Variants in FAM149A observed in about 807,000 individuals in gnomAD.
FAM149A encodes the protein family with sequence similarity 149 member A, also known as protein FAM149A.
In FAM149A, 71 loss-of-function variants were observed where a neutral mutation model predicts 78.2. That is an observed-to-expected ratio of 0.91 (90% CI 0.75 to 1.11). The LOEUF (loss-of-function observed/expected upper bound fraction) is 1.11. Among genes scored for constraint, FAM149A ranks in the 50% least tolerant of loss-of-function variants. FAM149A has a pLI of 0.00. For synonymous variants in FAM149A, 446 were observed against 410.5 expected (o/e 1.09, Z -1.04); for missense variants, 1,036 against 971.0 (o/e 1.07, Z -0.89).
chr4:186,154,172 C>G (rs934574599), intron 5 of FAM149A, among the ~76,000 whole-genome samples: 3 of 152,172 alleles, frequency 2.0e-5, no homozygotes, highest in Non-Finnish European at 2.9e-5. Context: ...TTTGATGACT[C>G]TATGCCATTC....
intron 4 of FAM149A, among the ~76,000 whole-genome samples, chr4:186,152,518 C>A (rs1733665707): frequency 6.8e-6 from 1 of 147,436 alleles, no homozygotes; most frequent in South Asian, 2.2e-4. Context: ...GGTATGAAGG[C>A]AAGCTTTTCT....
rs753158650 is a variant in FAM149A at position 186,167,086 on chromosome 4, A to G, written c.2129A>G (p.His710Arg). Residue 710 changes from histidine (H) to arginine (R), a missense_variant, in exon 12 of 14, where the codon CAC becomes CGC. Around this residue, in one of 3 missense-constraint regions of FAM149A, gnomAD observed 716 missense variants for 711.8 expected, o/e 1.01. Coordinates refer to ENST00000389354, the MANE Select transcript of FAM149A (RefSeq NM_001367768.3). Reference sequence around the variant, plus strand: ...CGGTTGTCAAGGCCCAGCACAACCCACACGTTCCGGGTGGGTTCTCTGTTT... The same window carrying G: ...CGGTTGTCAAGGCCCAGCACAACCCGCACGTTCCGGGTGGGTTCTCTGTTT... 1 of 1,613,618 alleles carries G rather than the reference A, an allele frequency of 6.2e-7. No individual in the cohort carries two copies. Among genetic ancestry groups the G allele is most frequent in the Non-Finnish European group, 8.5e-7 (1 of 1,179,580 alleles).
At chr4:186,125,920 G>A (rs1173811510) in intron 1 of FAM149A, 18 of 985,180 alleles carry the variant, frequency 1.8e-5, no homozygotes, top group Admixed American at 6.1e-5. Context: ...CTGCAGACTC[G>A]CACTGGCAAG....
chr4:186,171,250 C>T lies in FAM149A; in HGVS notation c.2219-664C>T, dbSNP rs111777788. 350 of 152,488 alleles carry T rather than the reference C, an allele frequency of 2.3e-3. 5 individuals carry two copies. The Middle Eastern group carries it at 0.027, about 12-fold the overall frequency. The allele number at this position is 152,488 out of a possible 1,614,324, so 9.4% of individuals were successfully genotyped here. On this transcript the variant is annotated intron_variant, in intron 13 of 13. Transcript: ENST00000389354. ...CTTCATGATGGCATCCAACACGGCC[C>T]GGCTCCCAGGGTCAGGCCCAGACGC...
Position 186,144,959 on chromosome 4 carries a change from G to A in FAM149A, c.567-4214G>A. ...GGCGCGGGCGCGGGCGCGGGCGCGGGCGGGTGGGGAGCCCCAGCCCCGGGG... is the reference window on the plus strand; with the variant it reads ...GGCGCGGGCGCGGGCGCGGGCGCGGACGGGTGGGGAGCCCCAGCCCCGGGG... On this transcript the variant is annotated intron_variant, in intron 1 of 13. Coordinates refer to ENST00000389354, the MANE Select transcript of FAM149A (RefSeq NM_001367768.3). The surrounding 1 kb of genome is among the most constrained non-coding windows in gnomAD (Gnocchi z 4.2). The A allele has an allele frequency of 1.1e-6, 1 of 947,374 alleles. No homozygotes were observed. The highest frequency in any genetic ancestry group is 1.2e-6 in the Non-Finnish European group (1 of 812,874). The allele number at this position is 947,374 out of a possible 1,614,324, so 58.7% of individuals were successfully genotyped here.
At chr4:186,130,293 C>CTCTCTCTATATA in intron 1 of FAM149A, 121 of 46,564 alleles carry the variant, frequency 2.6e-3, no homozygotes, top group African/African-American at 5.1e-3. Context: ...CTCTCTCTCT[C>CTCTCTCTATATA]TATATATATA....
intron 1 of FAM149A, among the ~76,000 whole-genome samples, chr4:186,129,111 C>T (rs1561392100): frequency 6.7e-6 from 1 of 148,894 alleles, no homozygotes; most frequent in African/African-American, 2.5e-5. Flanking sequence ...CTCTCTGTGT[C>T]TGTGTATGAG....
intron 1 of FAM149A, among the ~76,000 whole-genome samples, chr4:186,145,439 A>G (rs1409592073): frequency 6.6e-6 from 1 of 152,202 alleles, no homozygotes; most frequent in East Asian, 1.9e-4. Flanking sequence ...TAACCCGTTC[A>G]GAGTACAGTG....
chr4:186,121,940 T>C (rs1391305852), intron 1 of FAM149A, among the ~76,000 whole-genome samples: 1 of 152,190 alleles, frequency 6.6e-6, no homozygotes, highest in African/African-American at 2.4e-5. Context: ...CTCTGTTAAC[T>C]GTGCCGACCA....
intron 1 of FAM149A, among the ~76,000 whole-genome samples, chr4:186,111,302 G>C (rs2099311177): frequency 1.3e-5 from 2 of 152,044 alleles, no homozygotes; most frequent in Non-Finnish European, 1.5e-5. Flanking sequence ...TTAGTCCTTT[G>C]TCAGATGAGT....
At position 186,165,367 on chromosome 4, in the gene FAM149A, C is replaced by G. The variant is rs761401498; in HGVS notation, c.1913C>G (p.Ala638Gly). 6.2e-7 allele frequency: 1 copy of G among 1,614,096 alleles called. No homozygotes were observed. The highest frequency in any genetic ancestry group is 1.7e-5 in the Admixed American group (1 of 60,006). Reference sequence around the variant, plus strand: ...AGGCCGACTGGCGTGGACCACATGGCTTCCCCACTGGTTCAAACGTCACGG... The same window carrying G: ...AGGCCGACTGGCGTGGACCACATGGGTTCCCCACTGGTTCAAACGTCACGG... The change falls in exon 11 of 14, where the codon GCT (alanine) becomes GGT (glycine). Residue 638 changes from alanine to glycine, a missense_variant. Around this residue, in one of 3 missense-constraint regions of FAM149A, gnomAD observed 716 missense variants for 711.8 expected, o/e 1.01. Transcript: ENST00000389354.
At position 186,172,301 on chromosome 4, in the gene FAM149A, TCA is replaced by T. The variant is rs1186726635; in HGVS notation, c.*320_*321del. The T allele has an allele frequency of 4.3e-6, 1 of 231,510 alleles. No individual in the cohort carries two copies. Among genetic ancestry groups the T allele is most frequent in the African/African-American group, 2.3e-5 (1 of 44,064 alleles). 14.3% of individuals were successfully genotyped at this position (231,510 alleles called of 1,614,324 possible). ...AAACATAATTAGCATGTGTATGTAC[TCA>T]CACACTAATTACATGTAAGAATATA... is the stretch of plus-strand genomic sequence containing the variant. On this transcript the variant is annotated 3_prime_UTR_variant, in exon 14 of 14. Transcript: ENST00000389354.
chr4:186,108,414 A>T (rs2099309658), intron 1 of FAM149A, among the ~76,000 whole-genome samples: 1 of 99,032 alleles, frequency 1.0e-5, no homozygotes, highest in Non-Finnish European at 2.1e-5. Context: ...ACTTGGCTTT[A>T]AAAAAAAAAA....
At chr4:186,109,088 T>C (rs1238989609) in intron 1 of FAM149A, 270 of 517,134 alleles carry the variant, frequency 5.2e-4, no homozygotes, top group African/African-American at 4.3e-3. Context: ...ACCTTGTAAT[T>C]TGCCCGCCTC....
intron 4 of FAM149A, among the ~76,000 whole-genome samples, chr4:186,152,883 G>A (rs551067891): frequency 9.2e-5 from 14 of 152,212 alleles, no homozygotes; most frequent in Admixed American, 7.8e-4. Context: ...CCAACGTACT[G>A]GGGGACAGTT....
At chr4:186,149,031 T>TGTGCGCGC (rs776191178) in intron 1 of FAM149A, 142 bp from the exon 2 acceptor site, 208 of 339,764 alleles carry the variant, frequency 6.1e-4, no homozygotes, top group Non-Finnish European at 7.6e-4. Flanking sequence ...TGTGTGTGTG[T>TGTGCGCGC]GCGCTCATGC....
At chr4:186,127,737 G>T (rs184122184) in intron 1 of FAM149A, 10 of 924,386 alleles carry the variant, frequency 1.1e-5, no homozygotes, top group Non-Finnish European at 1.2e-5. Flanking sequence ...CCAGGCTGGA[G>T]TGCAGTGGCA....
Position 186,105,260 on chromosome 4 carries a change from T to TCC in FAM149A, c.188_189dup (p.Ser64ProfsTer141). On this transcript the variant is annotated frameshift_variant, in exon 1 of 14. Coordinates refer to ENST00000389354, the MANE Select transcript of FAM149A (RefSeq NM_001367768.3). LOFTEE classifies it high-confidence loss of function. The stretch of plus-strand genomic sequence containing the variant: ...CCTCCTCCGCGCCCTGGCTCCGGAC[T>TCC]CCCCCTCCGCCTCGCGGCGGTCGCC... 1 of 1,209,574 alleles carries TCC rather than the reference T, an allele frequency of 8.3e-7. No individual in the cohort carries two copies. The highest frequency in any genetic ancestry group is 1.0e-6 in the Non-Finnish European group (1 of 955,820). 74.9% of individuals were successfully genotyped at this position (1,209,574 alleles called of 1,614,324 possible).
In FAM149A at chr4:186,172,894, G is replaced by T. The variant is rs759493653; in HGVS notation, c.*907G>T. ...AGAAAATGGAGCAGAGAACAGGAAG[G>T]GGAATTAGCAGAGATGAGGCTCCAG... is the stretch of plus-strand genomic sequence containing the variant. On this transcript the variant is annotated 3_prime_UTR_variant, in exon 14 of 14. Coordinates refer to ENST00000389354, the MANE Select transcript of FAM149A (RefSeq NM_001367768.3). Among the ~76,000 whole-genome samples, 1 of 111,624 alleles carries T rather than the reference G, an allele frequency of 9.0e-6. No individual in the cohort carries two copies. Among genetic ancestry groups the T allele is most frequent in the Admixed American group, 8.8e-5 (1 of 11,424 alleles). The allele number at this position is 111,624 out of a possible 152,430, so 73.2% of individuals were successfully genotyped here.
Sources: allele counts gnomAD v4.1 joint callset (sites outside exome capture counted in the v4.1 genomes callset), GRCh38; gene constraint gnomAD v4.1.1; regional missense constraint gnomAD v4.1.1; non-coding constraint Gnocchi (gnomAD v3.1); transcripts MANE v1.5; gene names NCBI Gene and HGNC (gene_info 2026-07-23, HGNC 2026-07-21).